HINT1: variants seen among roughly 807,000 people sequenced by gnomAD.
HINT1 encodes adenosine 5'-monophosphoramidase HINT1.
In HINT1, 12 loss-of-function variants were observed where a neutral mutation model predicts 11.2. That is an observed-to-expected ratio of 1.07 (90% confidence interval 0.69 to 1.74). The LOEUF is 1.74. Ranked by LOEUF, HINT1 falls within the 40% of genes most tolerant of loss-of-function variation. HINT1 has a pLI of 0.00. For missense variants in HINT1, 150 were observed against 161.8 expected (o/e 0.93, Z 0.40); for synonymous variants, 42 against 52.6 (o/e 0.80, Z 0.87).
chr5:131,163,608 GCAAT>G (rs763255610), intron 1 of HINT1, among the ~76,000 whole-genome samples: 20 of 151,122 alleles, frequency 1.3e-4, no homozygotes, highest in Admixed American at 5.3e-4. Context: ...CTTTATGATA[GCAAT>G]CAGTTTTGTA....
Position 131,165,170 on chromosome 5 carries a change from C to G in HINT1, c.36G>C (p.Arg12=). Residue 12 remains arginine (R), a synonymous_variant, in exon 1 of 3, where the codon CGG becomes CGC. Coordinates refer to ENST00000304043, the MANE Select transcript of HINT1 (RefSeq NM_005340.7). ...TCCCAAAGATCGTGTCGCCACCAGGCCGAGCGACCTGAGCCTTGGCAATCT... is the reference window on the plus strand; with the variant it reads ...TCCCAAAGATCGTGTCGCCACCAGGGCGAGCGACCTGAGCCTTGGCAATCT... ...ADEIAKAQVA[R]PGGDTIFGKI... The G allele has an allele frequency of 6.2e-7, 1 of 1,610,946 alleles. No homozygotes were observed. The highest frequency in any genetic ancestry group is 8.5e-7 in the Non-Finnish European group (1 of 1,179,940).
intron 1 of HINT1, 45 bp downstream of exon 1, chr5:131,165,050 C>A: frequency 6.2e-7 from 1 of 1,611,734 alleles, no homozygotes; most frequent in East Asian, 2.2e-5. Flanking sequence ...GATCCGCGGA[C>A]GATACCCACC....
chr5:131,160,508 A>T (rs753012719), intron 2 of HINT1: 1 of 169,772 alleles, frequency 5.9e-6, no homozygotes, highest in African/African-American at 2.4e-5. Context: ...GAGAGAAAAA[A>T]GTTGGGAGGG....
chr5:131,162,351 G>A (rs1339496859), intron 2 of HINT1: 1 of 797,236 alleles, frequency 1.3e-6, no homozygotes, highest in East Asian at 2.7e-5. Flanking sequence ...AGCAAGTGTT[G>A]ATAAGGATAC....
chr5:131,162,201 G>A (rs1445284683), intron 2 of HINT1: 1 of 530,334 alleles, frequency 1.9e-6, no homozygotes, highest in Non-Finnish European at 3.3e-6. Context: ...GCGGGCGCCT[G>A]TTGTCCCACT....
At chr5:131,161,733 C>T (rs1365960076) in intron 2 of HINT1, among the ~76,000 whole-genome samples, 2 of 152,028 alleles carry the variant, frequency 1.3e-5, no homozygotes, top group African/African-American at 2.4e-5. Flanking sequence ...AAAATTAATG[C>T]CTTGAAGTTT....
intron 1 of HINT1, among the ~76,000 whole-genome samples, chr5:131,163,710 GAA>G (rs1158507032): frequency 6.6e-6 from 1 of 151,960 alleles, no homozygotes; most frequent in African/African-American, 2.4e-5. Flanking sequence ...GTGTAAAGCT[GAA>G]GAGTATATAT....
chr5:131,162,212 A>G, intron 2 of HINT1: 2 of 549,486 alleles, frequency 3.6e-6, no homozygotes, highest in Non-Finnish European at 6.4e-6. Context: ...TTGTCCCACT[A>G]CTCGGGAGGC....
chr5:131,163,185 A>G (rs147139520), intron 1 of HINT1, among the ~76,000 whole-genome samples: 60 of 152,338 alleles, frequency 3.9e-4, no homozygotes, highest in African/African-American at 1.4e-3. Flanking sequence ...TAATCACCAA[A>G]GGTCATACAT....
At chr5:131,159,787 T>C (rs928923965) in intron 2 of HINT1, among the ~76,000 whole-genome samples, 176 bp from the exon 3 acceptor site, 1 of 152,194 alleles carries the variant, frequency 6.6e-6, no homozygotes, top group Non-Finnish European at 1.5e-5. Context: ...TGGAGACTCA[T>C]TAAGATTAGG....
intron 2 of HINT1, among the ~76,000 whole-genome samples, chr5:131,161,544 G>A (rs956630535): frequency 2.7e-5 from 4 of 149,604 alleles, no homozygotes; most frequent in African/African-American, 7.4e-5. Context: ...GCGGTGAGCC[G>A]AGATCGTGCC....
intron 2 of HINT1, among the ~76,000 whole-genome samples, 163 bp from the exon 3 acceptor site, chr5:131,159,774 A>G (rs1755203372): frequency 6.6e-6 from 1 of 152,214 alleles, no homozygotes; most frequent in Non-Finnish European, 1.5e-5. Flanking sequence ...CATAATCTAC[A>G]ACTGGAGACT....
chr5:131,165,165 C>A lies in HINT1; in HGVS notation c.41G>T (p.Gly14Val). The part of the protein sequence containing the change: ...EIAKAQVARP[G>V]GDTIFGKIIR... ...GATCTTCCCAAAGATCGTGTCGCCACCAGGCCGAGCGACCTGAGCCTTGGC... is the reference window on the plus strand; with the variant it reads ...GATCTTCCCAAAGATCGTGTCGCCAACAGGCCGAGCGACCTGAGCCTTGGC... The change falls in exon 1 of 3, where the codon GGT (glycine) becomes GTT (valine). Residue 14 changes from glycine to valine, a missense_variant. Physicochemically the swap from Gly to Val is moderately radical, Grantham distance 109. Coordinates refer to ENST00000304043, the MANE Select transcript of HINT1 (RefSeq NM_005340.7). 6.2e-7 allele frequency: 1 copy of A among 1,611,268 alleles called. No individual in the cohort carries two copies. The highest frequency in any genetic ancestry group is 8.5e-7 in the Non-Finnish European group (1 of 1,179,910).
chr5:131,162,506 T>G, intron 2 of HINT1, 66 bp downstream of exon 2: 1 of 1,603,996 alleles, frequency 6.2e-7, no homozygotes, highest in Admixed American at 1.7e-5. Flanking sequence ...TGACAGCACT[T>G]TAAGGACAAA....
intron 2 of HINT1, chr5:131,162,110 G>A (rs1755265696): frequency 2.9e-6 from 1 of 344,378 alleles, no homozygotes; most frequent in Non-Finnish European, 5.3e-6. Flanking sequence ...CGGATCACGA[G>A]GTCAGGAAAT....
At position 131,161,385 on chromosome 5, in the gene HINT1, C is replaced by T. The variant is rs577881947; in HGVS notation, c.216+1187G>A. ...TTGGAAGGCTGAGGCGGGTGGATCA[C>T]GTGAGGTTGGGAGTTCGAGACTAAC... On this transcript the variant is annotated intron_variant, in intron 2 of 2. Transcript: ENST00000304043. Among the ~76,000 whole-genome samples, 250 of 152,100 alleles carry T rather than the reference C, an allele frequency of 1.6e-3. 2 individuals are homozygous for T. The highest frequency in any genetic ancestry group is 5.9e-3 in the African/African-American group (244 of 41,492).
intron 1 of HINT1, among the ~76,000 whole-genome samples, chr5:131,164,785 G>C (rs1405837244): frequency 2.6e-5 from 4 of 152,052 alleles, no homozygotes. Context: ...GGGAACCGGC[G>C]GGCTTCCACG....
At chr5:131,160,935 G>A in intron 2 of HINT1, 1 of 421,982 alleles carries the variant, frequency 2.4e-6, no homozygotes, top group Non-Finnish European at 4.8e-6. Context: ...GACTAGGCTA[G>A]GCTATAATGT....
At chr5:131,165,008 G>T in intron 1 of HINT1, 87 bp downstream of exon 1, 2 of 1,577,638 alleles carry the variant, frequency 1.3e-6, no homozygotes, top group Non-Finnish European at 1.7e-6. Flanking sequence ...CTACACTCGC[G>T]ACCCCTCCTC....
Sources: allele counts gnomAD v4.1 joint callset (sites outside exome capture counted in the v4.1 genomes callset), GRCh38; gene constraint gnomAD v4.1.1; transcripts MANE v1.5; gene names NCBI Gene and HGNC (gene_info 2026-07-23, HGNC 2026-07-21).